The following FAM219A variants were observed in gnomAD, a reference collection of about 807,000 sequenced individuals.
FAM219A encodes the protein family with sequence similarity 219 member A.
In FAM219A, 7 loss-of-function variants were observed where a neutral mutation model predicts 23.4. The observed-to-expected ratio is 0.30, with a 90% confidence interval of 0.17 to 0.56. The LOEUF is 0.56. FAM219A is among the 20% of genes least tolerant of loss of function. The probability of loss-of-function intolerance (pLI) is 0.92; values close to 1 mark genes in which losing one functional copy is unlikely to be tolerated. For synonymous variants in FAM219A, 93 were observed against 99.0 expected, an observed-to-expected ratio of 0.94 and a Z score of 0.36; for missense variants, 166 against 246.9, an observed-to-expected ratio of 0.67 and a Z score of 2.20.
intron 1 of FAM219A, among the ~76,000 whole-genome samples, chr9:34,420,552 A>AC (rs1461161694): frequency 3.3e-5 from 5 of 152,146 alleles, no homozygotes; most frequent in Admixed American, 3.3e-4. Context: ...TTGCAGCAGG[A>AC]CCTTTTCCTT....
At chr9:34,440,646 C>A (rs1018867570) in intron 1 of FAM219A, among the ~76,000 whole-genome samples, 1 of 151,838 alleles carries the variant, frequency 6.6e-6, no homozygotes, top group Non-Finnish European at 1.5e-5. Flanking sequence ...GTCAGGAGAT[C>A]GAGACCATCC....
intron 1 of FAM219A, among the ~76,000 whole-genome samples, chr9:34,453,150 TA>T (rs1421872838): frequency 6.6e-6 from 1 of 152,148 alleles, no homozygotes; most frequent in Non-Finnish European, 1.5e-5. Context: ...ATGGATCCAC[TA>T]GGAGAATCCA....
intron 1 of FAM219A, among the ~76,000 whole-genome samples, chr9:34,416,250 A>AGAAG (rs1822014775): frequency 1.0e-5 from 1 of 97,286 alleles, no homozygotes; most frequent in African/African-American, 4.0e-5. Context: ...AAAGAAAGAA[A>AGAAG]GAAAGAAAGG....
chr9:34,458,208 G>T lies in FAM219A; in HGVS notation c.56C>A (p.Pro19Gln), dbSNP rs776691511. ...QVPTAHSEMQPLDPAAASISD... is the reference protein window; with the variant it reads ...QVPTAHSEMQQLDPAAASISD... ...GCCCGCCGCCCGCCCCCTCACCAGC[G>T]GCTGCATCTCCGAGTGCGCGGTGGG... Residue 19 changes from proline to glutamine, a missense_variant, in exon 1 of 6, where the codon CCG becomes CAG. This residue lies in a region of FAM219A where 89 missense variants were observed against 98.8 expected (regional missense o/e 0.90). Coordinates refer to ENST00000651358, the MANE Select transcript of FAM219A (RefSeq NM_001184940.2). The surrounding 1 kb of genome is among the most constrained non-coding windows in gnomAD (Gnocchi z 6.6). The T allele has an allele frequency of 1.4e-5, 23 of 1,588,306 alleles. No homozygotes were observed. The highest frequency in any genetic ancestry group is 1.9e-5 in the Non-Finnish European group (22 of 1,171,706).
At chr9:34,427,465 C>T (rs1281107757) in intron 1 of FAM219A, among the ~76,000 whole-genome samples, 1 of 152,194 alleles carries the variant, frequency 6.6e-6, no homozygotes, top group Non-Finnish European at 1.5e-5. Context: ...TGTAGTCTCA[C>T]AGCCCCTGCT....
intron 1 of FAM219A, among the ~76,000 whole-genome samples, chr9:34,426,556 G>A (rs1036935285): frequency 6.6e-6 from 1 of 152,228 alleles, no homozygotes; most frequent in Non-Finnish European, 1.5e-5. Flanking sequence ...GGAGCATGCA[G>A]ATAGGAACAG....
chr9:34,442,241 A>G (rs982513103), intron 1 of FAM219A, among the ~76,000 whole-genome samples: 9 of 152,240 alleles, frequency 5.9e-5, no homozygotes, highest in African/African-American at 2.2e-4. Context: ...AGAATAGGAT[A>G]AAAAACAACA....
At position 34,458,518 on chromosome 9, in the gene FAM219A, G is replaced by C. The variant is rs1285846970; in HGVS notation, c.-255C>G. 1 of 365,844 alleles carries C rather than the reference G, an allele frequency of 2.7e-6. No individual in the cohort carries two copies. The highest frequency in any genetic ancestry group is 4.9e-6 in the Non-Finnish European group (1 of 202,332). The allele number at this position is 365,844 out of a possible 1,614,324, so 22.7% of individuals were successfully genotyped here. A position where few individuals can be genotyped will look rare whatever the true frequency, so the allele number is the denominator to read the frequency against. On this transcript the variant is annotated 5_prime_UTR_variant, in exon 1 of 6. Coordinates refer to ENST00000651358, the MANE Select transcript of FAM219A (RefSeq NM_001184940.2). The surrounding 1 kb of genome is among the most constrained non-coding windows in gnomAD (Gnocchi z 6.6). ...CGGGCCGAGCCGCAGGTCTTGCCTC[G>C]CCTCCTACTCCGCTGCCGCCTCCTG...
Position 34,398,964 on chromosome 9 carries a change from G to GT in FAM219A, c.*1999dup, listed in dbSNP as rs1240606585. 6.5e-6 allele frequency: 1 copy of GT among 153,992 alleles called. No homozygotes were observed. The highest frequency in any genetic ancestry group is 6.4e-5 in the Admixed American group (1 of 15,704). The allele number at this position is 153,992 out of a possible 1,614,324, so 9.5% of individuals were successfully genotyped here. A position where few individuals can be genotyped will look rare whatever the true frequency, so the allele number is the denominator to read the frequency against. On this transcript the variant is annotated 3_prime_UTR_variant, in exon 6 of 6. Transcript: ENST00000651358. The stretch of plus-strand genomic sequence containing the variant: ...GAGGAGGTAGGAATGGGTTGGCGGA[G>GT]TGGGGGGTGGTGAGCTGTACCCCAA...
intron 1 of FAM219A, among the ~76,000 whole-genome samples, chr9:34,428,180 T>C (rs1293008977): frequency 2.0e-5 from 3 of 152,186 alleles, no homozygotes; most frequent in Admixed American, 2.0e-4. Flanking sequence ...TTCAAAGTGC[T>C]TTCTGACAAC....
chr9:34,448,811 TAAG>T (rs1032372877), intron 1 of FAM219A, among the ~76,000 whole-genome samples: 3 of 151,882 alleles, frequency 2.0e-5, no homozygotes, highest in African/African-American at 7.3e-5. Flanking sequence ...CACAAAGGCA[TAAG>T]AATGATATAA....
chr9:34,444,121 G>A (rs993183745), intron 1 of FAM219A, among the ~76,000 whole-genome samples: 1 of 152,212 alleles, frequency 6.6e-6, no homozygotes, highest in Non-Finnish European at 1.5e-5. Flanking sequence ...GCTGAGAGCA[G>A]AGAGGACTTT....
chr9:34,408,467 T>C (rs1191491914), intron 1 of FAM219A, among the ~76,000 whole-genome samples: 1 of 152,242 alleles, frequency 6.6e-6, no homozygotes, highest in Non-Finnish European at 1.5e-5. Context: ...ATAAACATGC[T>C]GATAGGACCC....
In FAM219A at chr9:34,458,299, G is replaced by A. The variant is rs1823840432; in HGVS notation, c.-36C>T. The stretch of plus-strand genomic sequence containing the variant: ...GGCGAGCGGGCCAGGGGCCGGGCGC[G>A]GCCGCGGACGCCGACAGGACCGCGC... On this transcript the variant is annotated 5_prime_UTR_variant, in exon 1 of 6. Coordinates refer to ENST00000651358, the MANE Select transcript of FAM219A (RefSeq NM_001184940.2). The surrounding 1 kb of genome is among the most constrained non-coding windows in gnomAD (Gnocchi z 6.6). The A allele has an allele frequency of 7.4e-7, 1 of 1,345,910 alleles. No homozygotes were observed. Among genetic ancestry groups the A allele is most frequent in the East Asian group, 3.2e-5 (1 of 31,656 alleles). 83.4% of individuals were successfully genotyped at this position (1,345,910 alleles called of 1,614,324 possible).
In FAM219A at chr9:34,417,927, C is replaced by A. The variant is rs1294495443; in HGVS notation, c.61-11963G>T. On this transcript the variant is annotated intron_variant, in intron 1 of 5. Coordinates refer to ENST00000651358, the MANE Select transcript of FAM219A (RefSeq NM_001184940.2). The surrounding 1 kb of genome is among the most constrained non-coding windows in gnomAD (Gnocchi z 4.1). Reference sequence around the variant, plus strand: ...TAAGTGGAGCACTGGCACTGCCTGGCAACTGGGCACTGTGCTTTAGCCAGT... The same window carrying A: ...TAAGTGGAGCACTGGCACTGCCTGGAAACTGGGCACTGTGCTTTAGCCAGT... Among the ~76,000 whole-genome samples the A allele has an allele frequency of 6.6e-6, 1 of 152,228 alleles. No homozygotes were observed. Among genetic ancestry groups the A allele is most frequent in the African/African-American group, 2.4e-5 (1 of 41,460 alleles).
intron 1 of FAM219A, among the ~76,000 whole-genome samples, chr9:34,450,838 C>T (rs1444672398): frequency 6.6e-6 from 1 of 152,214 alleles, no homozygotes; most frequent in Non-Finnish European, 1.5e-5. Context: ...GCCACAGTCA[C>T]TGGTCTTGTT....
In FAM219A at chr9:34,398,819, T is replaced by G. The variant is rs955347836; in HGVS notation, c.*2145A>C. On this transcript the variant is annotated 3_prime_UTR_variant, in exon 6 of 6. Coordinates refer to ENST00000651358, the MANE Select transcript of FAM219A (RefSeq NM_001184940.2). ...GGGGTTGGGGGGATGTTGATCTGGG[T>G]GGGAGAGGTGGGTTCAGATGGGGGC... 5.5e-5 allele frequency: 10 copies of G among 182,766 alleles called. No homozygotes were observed. Among genetic ancestry groups the G allele is most frequent in the Non-Finnish European group, 1.2e-5 (1 of 86,262 alleles). The allele number at this position is 182,766 out of a possible 1,614,324, so 11.3% of individuals were successfully genotyped here.
chr9:34,427,167 C>CG (rs1190482179), intron 1 of FAM219A, among the ~76,000 whole-genome samples: 1 of 152,144 alleles, frequency 6.6e-6, no homozygotes, highest in Admixed American at 6.6e-5. Context: ...CCTCAGCTGA[C>CG]ACACATCACC....
At chr9:34,439,200 C>G (rs138005944) in intron 1 of FAM219A, among the ~76,000 whole-genome samples, 7 of 152,220 alleles carry the variant, frequency 4.6e-5, no homozygotes, top group African/African-American at 1.7e-4. Context: ...TAACACTCAC[C>G]GCGAGGGTCC....
Sources: gnomAD v4.1 joint callset for allele counts (sites outside exome capture counted in the v4.1 genomes callset) on GRCh38, gnomAD v4.1.1 for gene constraint, gnomAD v4.1.1 regional missense constraint, Gnocchi (gnomAD v3.1) non-coding constraint, MANE v1.5 for transcripts, NCBI Gene and HGNC (gene_info 2026-07-23, HGNC 2026-07-21) for gene names.